TMEM120B: variants seen among roughly 807,000 people sequenced by gnomAD.
TMEM120B encodes the protein transmembrane protein 120B.
In TMEM120B, 31 loss-of-function variants were observed where a neutral mutation model predicts 55.5. The ratio of observed to expected loss-of-function variants is 0.56; its 90% CI spans 0.42 to 0.75. TMEM120B has a LOEUF of 0.75. Among genes scored for constraint, TMEM120B ranks in the 30% least tolerant of loss-of-function variants. TMEM120B has a pLI of 0.00. For missense variants in TMEM120B, 399 were observed against 425.5 expected (o/e 0.94, Z 0.55); for synonymous variants, 203 against 176.3 (o/e 1.15, Z -1.20).
chr12:121,749,607 G>T (rs1439306425), intron 3 of TMEM120B, among the ~76,000 whole-genome samples: 1 of 152,040 alleles, frequency 6.6e-6, no homozygotes, highest in Non-Finnish European at 1.5e-5. Flanking sequence ...GAGCCTAGAG[G>T]TTCAAGACTG....
intron 4 of TMEM120B, among the ~76,000 whole-genome samples, chr12:121,750,977 A>C (rs1275966439): frequency 1.5e-4 from 1 of 6,574 alleles, no homozygotes; most frequent in Non-Finnish European, 2.5e-4. Flanking sequence ...CACACCCCAC[A>C]CCCACACCCC....
chr12:121,730,939 CAA>C (rs1208628250), intron 1 of TMEM120B, among the ~76,000 whole-genome samples: 14 of 150,598 alleles, frequency 9.3e-5, no homozygotes, highest in Admixed American at 7.3e-4. Context: ...GTCTGGGTAA[CAA>C]GAGCGAAACT....
chr12:121,724,774 C>T (rs1894861476), intron 1 of TMEM120B, among the ~76,000 whole-genome samples: 1 of 151,924 alleles, frequency 6.6e-6, no homozygotes, highest in South Asian at 2.1e-4. Flanking sequence ...CCACACCCGG[C>T]TAAGTTTTTG....
intron 4 of TMEM120B, among the ~76,000 whole-genome samples, chr12:121,751,154 C>A (rs1420255666): frequency 7.2e-5 from 10 of 139,334 alleles, no homozygotes; most frequent in Non-Finnish European, 1.1e-4. Context: ...TACCTATACC[C>A]CAAACCCACA....
chr12:121,724,282 G>A (rs1264548000), intron 1 of TMEM120B, among the ~76,000 whole-genome samples: 12 of 151,944 alleles, frequency 7.9e-5, no homozygotes, highest in Non-Finnish European at 1.2e-4. Context: ...TGATCCGCCC[G>A]CCTCAGCCTC....
In TMEM120B at chr12:121,776,711, GC is replaced by G. The variant is rs1210598012; in HGVS notation, c.*992del. 6.6e-6 allele frequency: 1 copy of G among 152,200 alleles called. No homozygotes were observed. The highest frequency in any genetic ancestry group is 1.5e-5 in the Non-Finnish European group (1 of 68,052). 9.4% of individuals were successfully genotyped at this position (152,200 alleles called of 1,614,324 possible). A position where few individuals can be genotyped will look rare whatever the true frequency, so the allele number is the denominator to read the frequency against. On this transcript the variant is annotated 3_prime_UTR_variant, in exon 12 of 12. Coordinates refer to ENST00000449592, the MANE Select transcript of TMEM120B (RefSeq NM_001080825.2). Reference sequence around the variant, plus strand: ...TGGGCCTCAGCTCCCCCTAACTGTGGCCCTACAAATCCCTAGGCCAGACCTC... The same window carrying G: ...TGGGCCTCAGCTCCCCCTAACTGTGGCCTACAAATCCCTAGGCCAGACCTC...
chr12:121,742,674 C>T (rs924423883), intron 1 of TMEM120B, among the ~76,000 whole-genome samples: 8 of 148,512 alleles, frequency 5.4e-5, no homozygotes, highest in African/African-American at 1.5e-4. Context: ...CAACCTCCGC[C>T]CCCTGGGTTC....
intron 5 of TMEM120B, among the ~76,000 whole-genome samples, chr12:121,752,646 G>A (rs1374541511): frequency 1.3e-5 from 2 of 152,044 alleles, no homozygotes; most frequent in African/African-American, 2.4e-5. Flanking sequence ...CCAGCTACTC[G>A]GAAGGGTGAG....
chr12:121,774,398 C>T (rs927218183), intron 9 of TMEM120B, among the ~76,000 whole-genome samples: 1 of 152,164 alleles, frequency 6.6e-6, no homozygotes, highest in African/African-American at 2.4e-5. Flanking sequence ...AAATTAGTAA[C>T]AACATAGCGC....
intron 1 of TMEM120B, among the ~76,000 whole-genome samples, chr12:121,726,694 C>G (rs146283555): frequency 1.2e-3 from 188 of 151,698 alleles, no homozygotes; most frequent in African/African-American, 4.4e-3. Flanking sequence ...TGCCTGAGGT[C>G]AGGAGTTTGA....
Position 121,729,639 on chromosome 12 carries a change from G to GAA in TMEM120B, c.70-13977_70-13976dup, listed in dbSNP as rs780158144. On this transcript the variant is annotated intron_variant, in intron 1 of 11. Coordinates refer to ENST00000449592, the MANE Select transcript of TMEM120B (RefSeq NM_001080825.2). ...TGGGCAACATAGACCATCTCTACAAGAAAAAAAAAAAAAAGCTGACAGGGT... is the reference window on the plus strand; with the variant it reads ...TGGGCAACATAGACCATCTCTACAAGAAAAAAAAAAAAAAAAGCTGACAGGGT... 1.5e-3 allele frequency among the ~76,000 whole-genome samples: 199 copies of GAA among 132,216 alleles called. 2 individuals carry two copies. The East Asian group carries it at 0.04, about 26-fold the overall frequency. The allele number at this position is 132,216 out of a possible 152,430, so 86.7% of individuals were successfully genotyped here. A position where few individuals can be genotyped will look rare whatever the true frequency, so the allele number is the denominator to read the frequency against.
Position 121,743,729 on chromosome 12 carries a change from T to C in TMEM120B, c.170T>C (p.Leu57Ser). Residue 57 changes from leucine to serine, a missense_variant, in exon 2 of 12, where the codon TTG becomes TCG. Coordinates refer to ENST00000449592, the MANE Select transcript of TMEM120B (RefSeq NM_001080825.2). ...AAGCAGAAGAAGCACCTCAAGGACTTGAAGCTTACACTCCAGAGGTAGGTG... is the reference window on the plus strand; with the variant it reads ...AAGCAGAAGAAGCACCTCAAGGACTCGAAGCTTACACTCCAGAGGTAGGTG... ...ISKQKKHLKD[L>S]KLTLQRCKRH... The C allele has an allele frequency of 6.2e-7, 1 of 1,612,994 alleles. No individual in the cohort carries two copies. Among genetic ancestry groups the C allele is most frequent in the Non-Finnish European group, 8.5e-7 (1 of 1,179,722 alleles).
chr12:121,733,947 A>G (rs914154887), intron 1 of TMEM120B, among the ~76,000 whole-genome samples: 2 of 152,182 alleles, frequency 1.3e-5, no homozygotes, highest in African/African-American at 4.8e-5. Flanking sequence ...TAAAAAACCC[A>G]AAGGATGTGT....
intron 1 of TMEM120B, among the ~76,000 whole-genome samples, chr12:121,713,938 A>G (rs1894647558): frequency 6.6e-6 from 1 of 152,132 alleles, no homozygotes; most frequent in Non-Finnish European, 1.5e-5. Context: ...GTCCCTGTCC[A>G]TGTACCTCTT....
At chr12:121,736,681 C>T (rs140180248) in intron 1 of TMEM120B, among the ~76,000 whole-genome samples, 5,882 of 152,230 alleles carry the variant, frequency 0.039, 143 homozygotes, top group Middle Eastern at 0.054. Context: ...TCTGGAGTAG[C>T]TGGGATTATA....
intron 2 of TMEM120B, among the ~76,000 whole-genome samples, chr12:121,746,720 C>T (rs182828400): frequency 1.4e-3 from 212 of 152,004 alleles, no homozygotes; most frequent in African/African-American, 1.7e-3. Context: ...TTTGGGAGGC[C>T]GAGGCAGGCA....
At chr12:121,738,010 C>T (rs1244087942) in intron 1 of TMEM120B, among the ~76,000 whole-genome samples, 5 of 91,204 alleles carry the variant, frequency 5.5e-5, no homozygotes, top group Non-Finnish European at 8.8e-5. Context: ...ACCCTGTCTC[C>T]ACAAAAAAAA....
At chr12:121,749,201 C>G (rs1421696680) in intron 3 of TMEM120B, among the ~76,000 whole-genome samples, 1 of 152,172 alleles carries the variant, frequency 6.6e-6, no homozygotes, top group Non-Finnish European at 1.5e-5. Flanking sequence ...CTCCGAGCTT[C>G]TCCTTTTTGA....
At position 121,748,310 on chromosome 12, in the gene TMEM120B, G is replaced by T. The variant is rs1292345052; in HGVS notation, c.189-16G>T. ...GAGTGACGCCCCTTCCCCTGTGCCT[G>T]CATCTCTGTCCGCAGGTGCAAACGC... On this transcript the variant is annotated splice_polypyrimidine_tract_variant and intron_variant, in intron 2 of 11. Transcript: ENST00000449592. The T allele has an allele frequency of 6.2e-7, 1 of 1,600,984 alleles. No individual in the cohort carries two copies. Among genetic ancestry groups the T allele is most frequent in the South Asian group, 1.1e-5 (1 of 90,706 alleles).
Sources: gnomAD v4.1 joint callset for allele counts (sites outside exome capture counted in the v4.1 genomes callset) on GRCh38, gnomAD v4.1.1 for gene constraint, MANE v1.5 for transcripts, NCBI Gene and HGNC (gene_info 2026-07-23, HGNC 2026-07-21) for gene names.